MIPOL1: variants seen among roughly 807,000 people sequenced by gnomAD.
MIPOL1 encodes the protein mirror-image polydactyly 1.
MIPOL1 carries 57 observed loss-of-function variants against 60.9 expected under a neutral mutation model. The ratio of observed to expected loss-of-function variants is 0.94; its 90% confidence interval spans 0.76 to 1.17. MIPOL1 has a LOEUF of 1.17. Ranked by LOEUF, MIPOL1 falls within the 50% of genes most tolerant of loss-of-function variation. The pLI is 0.00. For missense variants in MIPOL1, 551 were observed against 511.6 expected (o/e 1.08, Z -0.74); for synonymous variants, 179 against 168.8 (o/e 1.06, Z -0.47).
At chr14:37,313,210 A>C (rs898027654) in intron 9 of MIPOL1, among the ~76,000 whole-genome samples, 5 of 152,212 alleles carry the variant, frequency 3.3e-5, no homozygotes, top group Admixed American at 2.6e-4. Context: ...TAGGCTTAGA[A>C]GCACAATTGG....
intron 10 of MIPOL1, among the ~76,000 whole-genome samples, chr14:37,386,440 T>C (rs1184708634): frequency 6.6e-6 from 1 of 152,048 alleles, no homozygotes; most frequent in Non-Finnish European, 1.5e-5. Context: ...GGAATAATTC[T>C]GTCTTTTGAC....
chr14:37,319,219 T>G (rs1469779646), intron 9 of MIPOL1, among the ~76,000 whole-genome samples: 4 of 152,186 alleles, frequency 2.6e-5, no homozygotes, highest in East Asian at 1.9e-4. Flanking sequence ...GGAACATTTT[T>G]GTAACTAAAT....
At position 37,550,206 on chromosome 14, in the gene MIPOL1, AATTT is replaced by A. The variant is rs939764212; in HGVS notation, c.*3236_*3239del. ...TTCTTATCAGGTTGCTTATTTATAT[AATTT>A]GTTTATTTTATTAAAAATCTAGAAT... On this transcript the variant is annotated 3_prime_UTR_variant, in exon 13 of 13. Transcript: ENST00000684589. 5 of 151,012 alleles carry A rather than the reference AATTT, an allele frequency of 3.3e-5. No individual in the cohort carries two copies. Among genetic ancestry groups the A allele is most frequent in the African/African-American group, 1.2e-4 (5 of 41,310 alleles). 9.4% of individuals were successfully genotyped at this position (151,012 alleles called of 1,614,324 possible).
chr14:37,215,484 G>T (rs1315387859), intron 1 of MIPOL1, among the ~76,000 whole-genome samples: 1 of 151,622 alleles, frequency 6.6e-6, no homozygotes, highest in South Asian at 2.1e-4. Context: ...AACATAAAAT[G>T]GATACACAAA....
chr14:37,243,077 A>G (rs892825184), intron 1 of MIPOL1, among the ~76,000 whole-genome samples: 2 of 152,228 alleles, frequency 1.3e-5, no homozygotes, highest in African/African-American at 2.4e-5. Context: ...ACAAATAAAA[A>G]CTGCTGTAAT....
At chr14:37,219,691 G>C (rs1594536486) in intron 1 of MIPOL1, 3 of 152,280 alleles carry the variant, frequency 2.0e-5, no homozygotes, top group East Asian at 3.9e-4. Context: ...CTGTCACTGA[G>C]GTATTAAGTC....
At chr14:37,327,564 C>T (rs1442670892) in intron 9 of MIPOL1, among the ~76,000 whole-genome samples, 27 of 152,124 alleles carry the variant, frequency 1.8e-4, no homozygotes, top group African/African-American at 2.4e-5. Context: ...GGATTACAGG[C>T]GTGAGCCATC....
intron 11 of MIPOL1, among the ~76,000 whole-genome samples, chr14:37,480,562 T>A (rs973840075): frequency 1.3e-5 from 2 of 150,840 alleles, no homozygotes; most frequent in African/African-American, 4.9e-5. Context: ...TGTACCTCAA[T>A]AAAATAAAGG....
In MIPOL1 at chr14:37,412,846, A is replaced by G. The variant is rs190264768; in HGVS notation, c.937-10009A>G. Reference sequence around the variant, plus strand: ...AAAATAAAATTTAAAAAATATTACTAAGGATTTAGCAGGTGAAAAATTTTC... The same window carrying G: ...AAAATAAAATTTAAAAAATATTACTGAGGATTTAGCAGGTGAAAAATTTTC... On this transcript the variant is annotated intron_variant, in intron 10 of 12. Transcript: ENST00000684589. 6.0e-3 allele frequency among the ~76,000 whole-genome samples: 919 copies of G among 152,264 alleles called. 10 individuals carry two copies. The highest frequency in any genetic ancestry group is 0.031 in the South Asian group (151 of 4,820).
chr14:37,235,385 C>G (rs1971303369), intron 1 of MIPOL1, among the ~76,000 whole-genome samples: 1 of 152,068 alleles, frequency 6.6e-6, no homozygotes, highest in Admixed American at 6.6e-5. Flanking sequence ...TTTAATCCCT[C>G]TGTGTTTGCT....
At chr14:37,410,152 T>C (rs1252260460) in intron 10 of MIPOL1, among the ~76,000 whole-genome samples, 2 of 152,284 alleles carry the variant, frequency 1.3e-5, no homozygotes, top group Admixed American at 1.3e-4. Context: ...AAAATACAGA[T>C]TCCTTTCAAA....
intron 9 of MIPOL1, among the ~76,000 whole-genome samples, chr14:37,356,679 G>A (rs183956574): frequency 2.0e-4 from 30 of 152,268 alleles, no homozygotes; most frequent in African/African-American, 3.9e-4. Flanking sequence ...TCCAGGTGCC[G>A]TCCGTCACCC....
intron 12 of MIPOL1, among the ~76,000 whole-genome samples, chr14:37,543,360 C>T (rs1047574020): frequency 9.2e-5 from 14 of 152,016 alleles, no homozygotes; most frequent in African/African-American, 3.1e-4. Flanking sequence ...ACTGAAACCT[C>T]GGCCTCCCAG....
At chr14:37,393,986 T>A (rs1325651348) in intron 10 of MIPOL1, among the ~76,000 whole-genome samples, 1 of 147,712 alleles carries the variant, frequency 6.8e-6, no homozygotes, top group African/African-American at 2.5e-5. Context: ...TCACTTAGAA[T>A]AATAGTCTCC....
intron 12 of MIPOL1, among the ~76,000 whole-genome samples, chr14:37,522,758 T>A (rs2095422595): frequency 6.6e-6 from 1 of 152,162 alleles, no homozygotes; most frequent in South Asian, 2.1e-4. Context: ...TAGTATAAAT[T>A]GTTTGTACTA....
At chr14:37,523,683 TG>T in intron 12 of MIPOL1, 1 of 343,262 alleles carries the variant, frequency 2.9e-6, no homozygotes, top group Non-Finnish European at 5.3e-6. Flanking sequence ...TTCCAGGCAC[TG>T]TGTTAGGCAC....
At chr14:37,308,589 C>A in intron 9 of MIPOL1, 70 bp downstream of exon 9, 1 of 1,183,032 alleles carries the variant, frequency 8.5e-7, no homozygotes, top group Non-Finnish European at 1.1e-6. Context: ...CCATTAAAAA[C>A]TGACTTTGGC....
chr14:37,355,506 C>T (rs2153477422), intron 9 of MIPOL1, among the ~76,000 whole-genome samples: 1 of 151,392 alleles, frequency 6.6e-6, no homozygotes, highest in South Asian at 2.1e-4. Flanking sequence ...GAGTGTTTTC[C>T]AACTTGGTTC....
intron 11 of MIPOL1, among the ~76,000 whole-genome samples, chr14:37,458,656 TAAA>T (rs202172224): frequency 6.8e-6 from 1 of 147,118 alleles, no homozygotes; most frequent in African/African-American, 2.5e-5. Flanking sequence ...CCGTCTCTAC[TAAA>T]AAAAAAATAC....
Sources: allele counts gnomAD v4.1 joint callset (sites outside exome capture counted in the v4.1 genomes callset), GRCh38; gene constraint gnomAD v4.1.1; transcripts MANE v1.5; gene names NCBI Gene and HGNC (gene_info 2026-07-23, HGNC 2026-07-21).